PRKAR2B: variants seen among roughly 807,000 people sequenced by gnomAD.
The protein encoded by PRKAR2B is cAMP-dependent protein kinase type II-beta regulatory subunit.
In PRKAR2B, 14 loss-of-function variants were observed where a neutral mutation model predicts 49.9. The ratio of observed to expected loss-of-function variants is 0.28; its 90% CI spans 0.19 to 0.44. PRKAR2B has a LOEUF of 0.44. Among genes scored for constraint, PRKAR2B ranks in the 20% least tolerant of loss-of-function variants. The pLI is 1.00. For missense variants in PRKAR2B, 393 were observed against 537.9 expected (o/e 0.73, Z 2.67); for synonymous variants, 196 against 197.7 (o/e 0.99, Z 0.07).
chr7:107,061,403 A>G (rs1346280746), intron 1 of PRKAR2B, among the ~76,000 whole-genome samples: 3 of 152,042 alleles, frequency 2.0e-5, no homozygotes, highest in Non-Finnish European at 2.9e-5. Context: ...TTCCTTTCAT[A>G]TTCTTCAATA....
intron 1 of PRKAR2B, among the ~76,000 whole-genome samples, chr7:107,067,769 T>C (rs568561181): frequency 6.6e-4 from 101 of 152,314 alleles, no homozygotes; most frequent in African/African-American, 2.4e-3. Flanking sequence ...TTTTCTGAAA[T>C]GATGAACATC....
chr7:107,085,429 A>G (rs966154151), intron 2 of PRKAR2B, among the ~76,000 whole-genome samples: 1 of 152,126 alleles, frequency 6.6e-6, no homozygotes. Flanking sequence ...ATCTTTTTTT[A>G]TAGTTGTGAT....
chr7:107,149,131 T>C (rs1795941547), intron 6 of PRKAR2B, among the ~76,000 whole-genome samples: 1 of 152,162 alleles, frequency 6.6e-6, no homozygotes, highest in Admixed American at 6.5e-5. Context: ...AGATCTTGAG[T>C]CATTAAGGTC....
At chr7:107,148,663 A>G (rs1367613010) in intron 6 of PRKAR2B, among the ~76,000 whole-genome samples, 4 of 152,168 alleles carry the variant, frequency 2.6e-5, no homozygotes, top group African/African-American at 9.7e-5. Flanking sequence ...AGTCGAGTAG[A>G]AAATAAATTT....
chr7:107,107,695 G>A (rs937614771), intron 2 of PRKAR2B, among the ~76,000 whole-genome samples: 3 of 151,898 alleles, frequency 2.0e-5, no homozygotes, highest in Non-Finnish European at 2.9e-5. Flanking sequence ...GTCTCGCTCT[G>A]TCACCAGGCT....
chr7:107,077,288 C>T (rs544343971), intron 2 of PRKAR2B: 1 of 152,238 alleles, frequency 6.6e-6, no homozygotes, highest in South Asian at 2.1e-4. Context: ...AGGTACAGTG[C>T]TGGGGATGCC....
At chr7:107,108,811 T>C (rs1216468949) in intron 2 of PRKAR2B, among the ~76,000 whole-genome samples, 1 of 152,218 alleles carries the variant, frequency 6.6e-6, no homozygotes, top group Non-Finnish European at 1.5e-5. Context: ...TGTTGTTTAT[T>C]CCTTCATGGT....
At chr7:107,102,481 A>G (rs1468543643) in intron 2 of PRKAR2B, among the ~76,000 whole-genome samples, 2 of 152,220 alleles carry the variant, frequency 1.3e-5, no homozygotes, top group Non-Finnish European at 2.9e-5. Flanking sequence ...CCATTTGGCT[A>G]TACGCTGTTG....
chr7:107,051,367 G>C (rs573094846), intron 1 of PRKAR2B, among the ~76,000 whole-genome samples: 10 of 152,234 alleles, frequency 6.6e-5, no homozygotes, highest in Admixed American at 6.5e-4. Flanking sequence ...AGAGACAATG[G>C]AAAAGAAACA....
intron 6 of PRKAR2B, among the ~76,000 whole-genome samples, chr7:107,150,582 A>G (rs1287887089): frequency 2.3e-5 from 1 of 42,832 alleles, no homozygotes; most frequent in African/African-American, 1.3e-4. Context: ...ACAGAGTAAA[A>G]GAACAGAGTG....
chr7:107,057,374 T>C (rs577789593), intron 1 of PRKAR2B, among the ~76,000 whole-genome samples: 36 of 152,206 alleles, frequency 2.4e-4, no homozygotes, highest in African/African-American at 8.4e-4. Flanking sequence ...TTTTTTTTTT[T>C]CCCACTCCAC....
At chr7:107,110,092 C>A (rs1444176517) in intron 2 of PRKAR2B, among the ~76,000 whole-genome samples, 1 of 152,184 alleles carries the variant, frequency 6.6e-6, no homozygotes, top group Non-Finnish European at 1.5e-5. Context: ...GAGAGATAAT[C>A]CATGTGCTTG....
chr7:107,147,412 G>A (rs1795913854), intron 6 of PRKAR2B, among the ~76,000 whole-genome samples: 1 of 152,154 alleles, frequency 6.6e-6, no homozygotes, highest in African/African-American at 2.4e-5. Flanking sequence ...TTCTTAATGT[G>A]GTATTCCCGC....
intron 2 of PRKAR2B, among the ~76,000 whole-genome samples, chr7:107,084,127 A>T (rs549036196): frequency 4.6e-5 from 7 of 152,306 alleles, no homozygotes; most frequent in African/African-American, 1.7e-4. Context: ...TAAAGCAGAG[A>T]AAAGACAATT....
At chr7:107,134,169 C>T (rs1188965076) in intron 4 of PRKAR2B, among the ~76,000 whole-genome samples, 1 of 152,016 alleles carries the variant, frequency 6.6e-6, no homozygotes, top group Non-Finnish European at 1.5e-5. Flanking sequence ...GCTGGGACTA[C>T]AGGTGTGCAC....
chr7:107,086,768 C>A (rs1794628007), intron 2 of PRKAR2B, among the ~76,000 whole-genome samples: 1 of 152,052 alleles, frequency 6.6e-6, no homozygotes, highest in Non-Finnish European at 1.5e-5. Flanking sequence ...ACGAAAATGT[C>A]TTTATAGCAT....
chr7:107,053,900 A>C (rs1793858296), intron 1 of PRKAR2B, among the ~76,000 whole-genome samples: 1 of 152,166 alleles, frequency 6.6e-6, no homozygotes, highest in African/African-American at 2.4e-5. Flanking sequence ...TTCATAGAGT[A>C]TTTCAGGTTA....
rs766071087 is a variant in PRKAR2B, at chr7:107,146,348, A to G, written c.628A>G (p.Arg210Gly). Residue 210 changes from arginine (R) to glycine (G), a missense_variant, in exon 6 of 11, where the codon AGA becomes GGA. Around this residue, in one of 2 missense-constraint regions of PRKAR2B, gnomAD observed 233 missense variants for 390.4 expected, o/e 0.60. Transcript: ENST00000265717. Reference protein sequence around the residue: ...DIYVKCDGVGRCVGNYDNRGS... With the variant: ...DIYVKCDGVGGCVGNYDNRGS... The stretch of plus-strand genomic sequence containing the variant: ...TTATGTGAAATGTGATGGTGTTGGA[A>G]GATGTGTTGGTAACTATGATAATCG... 6.2e-7 allele frequency: 1 copy of G among 1,614,170 alleles called. No homozygotes were observed. Among genetic ancestry groups the G allele is most frequent in the Non-Finnish European group, 8.5e-7 (1 of 1,180,016 alleles).
chr7:107,066,301 G>GGGTGTGTGTGT (rs147673007), intron 1 of PRKAR2B, among the ~76,000 whole-genome samples: 2 of 145,512 alleles, frequency 1.4e-5, no homozygotes, highest in African/African-American at 5.2e-5. Flanking sequence ...CTCTATGTGG[G>GGGTGTGTGTGT]GTGTGTGTGT....
Sources: gnomAD v4.1 joint callset for allele counts (sites outside exome capture counted in the v4.1 genomes callset) on GRCh38, gnomAD v4.1.1 for gene constraint, gnomAD v4.1.1 regional missense constraint, MANE v1.5 for transcripts, NCBI Gene and HGNC (gene_info 2026-07-23, HGNC 2026-07-21) for gene names.